The following CACNG3 variants were observed in gnomAD, a reference collection of about 807,000 sequenced individuals.
CACNG3 encodes calcium voltage-gated channel auxiliary subunit gamma 3, also known as voltage-dependent calcium channel gamma-3 subunit.
In CACNG3, 3 loss-of-function variants were observed where a neutral mutation model predicts 28.5. The observed-to-expected ratio is 0.11, with a 90% CI of 0.05 to 0.27. The LOEUF is 0.27. CACNG3 is among the 10% of genes least tolerant of loss of function. CACNG3 has a pLI of 1.00. For synonymous variants in CACNG3, 174 were observed against 162.2 expected (o/e 1.07, Z -0.55); for missense variants, 236 against 414.4 (o/e 0.57, Z 3.74).
chr16:24,339,343 A>G (rs573947973), intron 1 of CACNG3, among the ~76,000 whole-genome samples: 1 of 147,506 alleles, frequency 6.8e-6, no homozygotes, highest in South Asian at 2.1e-4. Flanking sequence ...TCTTTCATTC[A>G]TTCTACTGTG....
intron 2 of CACNG3, 71 bp downstream of exon 2, chr16:24,346,888 G>C: frequency 8.4e-7 from 1 of 1,189,048 alleles, no homozygotes; most frequent in South Asian, 1.2e-5. Flanking sequence ...AGCTGCCTCT[G>C]AGTCGGAGCT....
chr16:24,344,379 A>G (rs927237068), intron 1 of CACNG3, among the ~76,000 whole-genome samples: 13 of 151,390 alleles, frequency 8.6e-5, no homozygotes, highest in African/African-American at 3.2e-4. Flanking sequence ...ACTGCACTCC[A>G]ACCTGGGCAA....
At chr16:24,354,610 T>C (rs1477488327) in intron 2 of CACNG3, among the ~76,000 whole-genome samples, 1 of 152,204 alleles carries the variant, frequency 6.6e-6, no homozygotes, top group South Asian at 2.1e-4. Context: ...CATTCGATTA[T>C]AAAATCGTTA....
At position 24,361,583 on chromosome 16, in the gene CACNG3, G is replaced by A. The variant is rs775829243; in HGVS notation, c.668G>A (p.Arg223His). Residue 223 changes from arginine to histidine, a missense_variant, in exon 4 of 4, where the codon CGC becomes CAC. Coordinates refer to ENST00000005284, the MANE Select transcript of CACNG3 (RefSeq NM_006539.4). The surrounding 1 kb of genome is among the most constrained non-coding windows in gnomAD (Gnocchi z 6.8). ...SEFLKKSTFA[R>H]LPPYRYRFRR... ...TTCCTGAAGAAATCTACTTTTGCCC[G>A]CCTCCCACCCTACAGGTATCGATTC... 6.2e-6 allele frequency: 10 copies of A among 1,613,602 alleles called. No homozygotes were observed. The highest frequency in any genetic ancestry group is 4.5e-5 in the East Asian group (2 of 44,856).
chr16:24,311,658 C>T (rs1723444287), intron 1 of CACNG3, among the ~76,000 whole-genome samples: 1 of 152,120 alleles, frequency 6.6e-6, no homozygotes, highest in African/African-American at 2.4e-5. Context: ...GAGTTCAAGA[C>T]CAGCCTGGCC....
intron 1 of CACNG3, among the ~76,000 whole-genome samples, chr16:24,284,332 GCC>G (rs1898866967): frequency 6.6e-6 from 1 of 152,112 alleles, no homozygotes; most frequent in Non-Finnish European, 1.5e-5. Context: ...AACCCTCTGG[GCC>G]TGGGGCCTTT....
intron 1 of CACNG3, among the ~76,000 whole-genome samples, chr16:24,300,823 G>T (rs1195651017): frequency 3.3e-5 from 5 of 152,040 alleles, no homozygotes; most frequent in African/African-American, 7.3e-5. Context: ...GGAAGCTAAG[G>T]GGGGCAGATC....
chr16:24,303,344 G>GTATTTATTTATT lies in CACNG3; in HGVS notation c.212-43375_212-43364dup, dbSNP rs35148228. Among the ~76,000 whole-genome samples, 1,049 of 149,990 alleles carry GTATTTATTTATT rather than the reference G, an allele frequency of 7.0e-3. 14 individuals are homozygous for GTATTTATTTATT. Among genetic ancestry groups the GTATTTATTTATT allele is most frequent in the African/African-American group, 0.024 (968 of 40,706 alleles). ...TCTTATTACTTAGAACTCTATGTGT[G>GTATTTATTTATT]TATTTATTTATTTATTTATTTATTT... On this transcript the variant is annotated intron_variant, in intron 1 of 3. Transcript: ENST00000005284.
chr16:24,262,533 C>T (rs1898549181), intron 1 of CACNG3, among the ~76,000 whole-genome samples: 1 of 152,228 alleles, frequency 6.6e-6, no homozygotes, highest in Non-Finnish European at 1.5e-5. Flanking sequence ...ACCACTGCAC[C>T]TACCCTAGCC....
chr16:24,314,731 TCGCCTCCTC>T (rs1899322947), intron 1 of CACNG3, among the ~76,000 whole-genome samples: 1 of 89,784 alleles, frequency 1.1e-5, no homozygotes, highest in African/African-American at 3.8e-5. Flanking sequence ...CCTAGGACTC[TCGCCTCCTC>T]CTCCTCCTCC....
At chr16:24,290,899 C>T (rs1280428204) in intron 1 of CACNG3, among the ~76,000 whole-genome samples, 3 of 152,182 alleles carry the variant, frequency 2.0e-5, no homozygotes, top group Admixed American at 2.0e-4. Context: ...GGGATGGCTT[C>T]CTTCCTAAGA....
chr16:24,297,113 G>T lies in CACNG3; in HGVS notation c.211+40148G>T, dbSNP rs181713594. The stretch of plus-strand genomic sequence containing the variant: ...AAAAAACAGAAACAAAAATTAGCTG[G>T]GCAAGGTGTTGCAAGACTGTGCTAC... On this transcript the variant is annotated intron_variant, in intron 1 of 3. Transcript: ENST00000005284. Among the ~76,000 whole-genome samples the T allele has an allele frequency of 4.3e-3, 653 of 152,126 alleles. 5 individuals are homozygous for T. Among genetic ancestry groups the T allele is most frequent in the Non-Finnish European group, 7.6e-3 (514 of 67,982 alleles).
chr16:24,289,569 G>A (rs1189624723), intron 1 of CACNG3, among the ~76,000 whole-genome samples: 1 of 152,146 alleles, frequency 6.6e-6, no homozygotes, highest in Non-Finnish European at 1.5e-5. Context: ...ACAATGGGTG[G>A]CCACCCACTT....
intron 3 of CACNG3, among the ~76,000 whole-genome samples, chr16:24,358,793 T>C (rs1900068998): frequency 6.6e-6 from 1 of 152,190 alleles, no homozygotes; most frequent in African/African-American, 2.4e-5. Flanking sequence ...AAAATAATTG[T>C]GGTTTTTGCA....
intron 1 of CACNG3, among the ~76,000 whole-genome samples, chr16:24,321,490 T>C (rs1318032041): frequency 6.6e-6 from 1 of 151,434 alleles, no homozygotes; most frequent in African/African-American, 2.4e-5. Flanking sequence ...AAATAAAGAG[T>C]TGTCTCGGTT....
intron 1 of CACNG3, among the ~76,000 whole-genome samples, chr16:24,309,867 G>A (rs543457950): frequency 1.3e-5 from 2 of 152,290 alleles, no homozygotes; most frequent in East Asian, 3.9e-4. Context: ...AGGGGGTCGG[G>A]ATGAGGGCTG....
At chr16:24,297,949 G>A (rs1337314111) in intron 1 of CACNG3, among the ~76,000 whole-genome samples, 1 of 151,816 alleles carries the variant, frequency 6.6e-6, no homozygotes, top group Non-Finnish European at 1.5e-5. Flanking sequence ...CTCAGCCTGG[G>A]CCTGGAGGCC....
intron 1 of CACNG3, among the ~76,000 whole-genome samples, chr16:24,334,030 G>T (rs79525515): frequency 2.0e-4 from 31 of 152,290 alleles, no homozygotes; most frequent in African/African-American, 7.2e-4. Context: ...AGATAATAAA[G>T]ATCTGTTGTA....
chr16:24,312,965 G>GAAAGAGAAAGAAAGAAAT (rs764610993), intron 1 of CACNG3, among the ~76,000 whole-genome samples: 1 of 99,634 alleles, frequency 1.0e-5, no homozygotes, highest in Non-Finnish European at 2.2e-5. Flanking sequence ...GAGAAAGAAA[G>GAAAGAGAAAGAAAGAAAT]AAAAGAAAGA....
Sources: allele counts gnomAD v4.1 joint callset (sites outside exome capture counted in the v4.1 genomes callset), GRCh38; gene constraint gnomAD v4.1.1; non-coding constraint Gnocchi (gnomAD v3.1); transcripts MANE v1.5; gene names NCBI Gene and HGNC (gene_info 2026-07-23, HGNC 2026-07-21).